RSU1: variants seen among roughly 807,000 people sequenced by gnomAD.
RSU1 encodes the protein Ras suppressor protein 1, also known as rsu-1.
In RSU1, 26 loss-of-function variants were observed where a neutral mutation model predicts 31.1. The ratio of observed to expected loss-of-function variants is 0.84; its 90% CI spans 0.61 to 1.16. RSU1 has a LOEUF of 1.16. RSU1 is among the 50% of genes most tolerant of loss of function. The pLI, the probability that RSU1 is intolerant of heterozygous loss-of-function variation, is 0.00. For synonymous variants in RSU1, 164 were observed against 136.3 expected, an observed-to-expected ratio of 1.20 and a Z score of -1.41; for missense variants, 320 against 339.1, an observed-to-expected ratio of 0.94 and a Z score of 0.44.
At chr10:16,692,019 A>G (rs1835565251) in intron 8 of RSU1, among the ~76,000 whole-genome samples, 1 of 151,978 alleles carries the variant, frequency 6.6e-6, no homozygotes, top group Non-Finnish European at 1.5e-5. Flanking sequence ...ATTCACCCCA[A>G]AGTGCTGGGA....
intron 7 of RSU1, among the ~76,000 whole-genome samples, chr10:16,709,269 G>A (rs973498433): frequency 6.6e-6 from 1 of 151,862 alleles, no homozygotes; most frequent in African/African-American, 2.4e-5. Flanking sequence ...CCTTGCGATA[G>A]TTTACTGAGA....
At chr10:16,742,250 G>A (rs977710031) in intron 7 of RSU1, among the ~76,000 whole-genome samples, 1 of 152,126 alleles carries the variant, frequency 6.6e-6, no homozygotes, top group African/African-American at 2.4e-5. Context: ...AGTCAACTTA[G>A]GGAATTAATA....
chr10:16,739,510 G>A (rs1413964113), intron 7 of RSU1, among the ~76,000 whole-genome samples: 5 of 121,064 alleles, frequency 4.1e-5, no homozygotes, highest in Non-Finnish European at 6.3e-5. Context: ...TCGCTCTGTC[G>A]CCCAGGCTGG....
At chr10:16,751,456 A>T (rs1313656214) in intron 7 of RSU1, among the ~76,000 whole-genome samples, 2 of 152,214 alleles carry the variant, frequency 1.3e-5, no homozygotes, top group African/African-American at 4.8e-5. Context: ...TGCCAACAGA[A>T]CTCAAGGTGC....
At chr10:16,773,566 G>A (rs1588525722) in intron 3 of RSU1, among the ~76,000 whole-genome samples, 2 of 152,226 alleles carry the variant, frequency 1.3e-5, no homozygotes, top group Admixed American at 6.5e-5. Flanking sequence ...ACACGGCGGA[G>A]CAGCCACTTG....
At chr10:16,690,713 G>A (rs1835531636) in intron 8 of RSU1, among the ~76,000 whole-genome samples, 1 of 152,148 alleles carries the variant, frequency 6.6e-6, no homozygotes, top group South Asian at 2.1e-4. Context: ...CGTGCTCTGA[G>A]GAAGGTCACT....
chr10:16,625,991 A>G (rs1016164953), intron 8 of RSU1, among the ~76,000 whole-genome samples: 5 of 152,128 alleles, frequency 3.3e-5, no homozygotes, highest in African/African-American at 4.8e-5. Flanking sequence ...ATGGTATTAC[A>G]GCTGGCAAGA....
chr10:16,708,692 TTAA>T (rs747373380), intron 7 of RSU1, among the ~76,000 whole-genome samples: 8 of 152,150 alleles, frequency 5.3e-5, no homozygotes, highest in Non-Finnish European at 8.8e-5. Flanking sequence ...CTTAACTATA[TTAA>T]TTCTTCCAAA....
intron 8 of RSU1, among the ~76,000 whole-genome samples, chr10:16,669,376 C>A (rs1399496220): frequency 6.6e-6 from 1 of 151,088 alleles, no homozygotes; most frequent in African/African-American, 2.4e-5. Flanking sequence ...TTTTTTTTCC[C>A]CCCCCAAAGC....
chr10:16,634,365 C>T (rs550159412), intron 8 of RSU1, among the ~76,000 whole-genome samples: 39 of 152,266 alleles, frequency 2.6e-4, no homozygotes, highest in Non-Finnish European at 4.6e-4. Context: ...CCACAAGATT[C>T]CAAACAGTGG....
At chr10:16,627,291 T>C (rs550178374) in intron 8 of RSU1, among the ~76,000 whole-genome samples, 1 of 152,352 alleles carries the variant, frequency 6.6e-6, no homozygotes, top group East Asian at 1.9e-4. Context: ...CCTTTATTTC[T>C]TCATTATGTT....
intron 2 of RSU1, among the ~76,000 whole-genome samples, chr10:16,782,768 A>C (rs1402945976): frequency 6.6e-6 from 1 of 152,202 alleles, no homozygotes; most frequent in Non-Finnish European, 1.5e-5. Flanking sequence ...TCTAACTATA[A>C]ATAAAGAAAA....
chr10:16,638,348 G>A (rs1014650090), intron 8 of RSU1, among the ~76,000 whole-genome samples: 10 of 151,958 alleles, frequency 6.6e-5, no homozygotes, highest in African/African-American at 7.3e-5. Context: ...TGTGTCTTAC[G>A]CAGATCATCC....
intron 8 of RSU1, among the ~76,000 whole-genome samples, chr10:16,605,151 T>C (rs1230220003): frequency 6.6e-6 from 1 of 152,196 alleles, no homozygotes; most frequent in Non-Finnish European, 1.5e-5. Flanking sequence ...CTTGTGTTCC[T>C]TGTAATCAAA....
chr10:16,798,340 T>C (rs1423576296), intron 2 of RSU1, among the ~76,000 whole-genome samples: 2 of 152,130 alleles, frequency 1.3e-5, no homozygotes, highest in Non-Finnish European at 2.9e-5. Flanking sequence ...TCTGATATGG[T>C]TAGGCTGTGT....
chr10:16,787,018 G>A (rs886505601), intron 2 of RSU1, among the ~76,000 whole-genome samples: 2 of 152,134 alleles, frequency 1.3e-5, no homozygotes, highest in African/African-American at 4.8e-5. Flanking sequence ...CCTGGACACA[G>A]GGCCTGGGTT....
chr10:16,760,580 T>C (rs1305623639), intron 4 of RSU1, among the ~76,000 whole-genome samples: 1 of 151,924 alleles, frequency 6.6e-6, no homozygotes, highest in East Asian at 1.9e-4. Flanking sequence ...AAAATGTTAT[T>C]AGGAAAGTCA....
At chr10:16,642,436 T>G (rs1270345971) in intron 8 of RSU1, among the ~76,000 whole-genome samples, 2 of 152,204 alleles carry the variant, frequency 1.3e-5, no homozygotes, top group African/African-American at 2.4e-5. Flanking sequence ...CAGTGATAGA[T>G]TTTTGAGTCT....
At chr10:16,780,281 A>AT (rs1837624609) in intron 3 of RSU1, among the ~76,000 whole-genome samples, 1 of 152,234 alleles carries the variant, frequency 6.6e-6, no homozygotes, top group African/African-American at 2.4e-5. Flanking sequence ...TGTTGGAGAC[A>AT]GGGTCTACCT....
Sources: gnomAD v4.1 joint callset for allele counts (sites outside exome capture counted in the v4.1 genomes callset) on GRCh38, gnomAD v4.1.1 for gene constraint, MANE v1.5 for transcripts, NCBI Gene and HGNC (gene_info 2026-07-23, HGNC 2026-07-21) for gene names.